Variants in GNAQ observed in about 807,000 individuals in gnomAD.
The protein encoded by GNAQ is guanine nucleotide-binding protein G(q) subunit alpha.
A neutral mutation model predicts 43.9 loss-of-function variants in GNAQ; 8 were observed. The observed-to-expected ratio is 0.18, with a 90% CI of 0.11 to 0.33. GNAQ has a LOEUF of 0.33. GNAQ is among the 10% of genes least tolerant of loss of function. GNAQ has a pLI of 1.00. For missense variants in GNAQ, 158 were observed against 450.8 expected, an observed-to-expected ratio of 0.35 and a Z score of 5.88; for synonymous variants, 155 against 170.7, an observed-to-expected ratio of 0.91 and a Z score of 0.71.
At position 78,030,447 on chromosome 9, in the gene GNAQ, T is replaced by G. The variant is rs771628710; in HGVS notation, c.136+653A>C. 1.2e-3 allele frequency: 575 copies of G among 461,294 alleles called. 2 individuals carry two copies. Among genetic ancestry groups the G allele is most frequent in the Non-Finnish European group, 5.7e-4 (126 of 221,676 alleles). The allele number at this position is 461,294 out of a possible 1,614,324, so 28.6% of individuals were successfully genotyped here. On this transcript the variant is annotated intron_variant, in intron 1 of 6. Coordinates refer to ENST00000286548, the MANE Select transcript of GNAQ (RefSeq NM_002072.5). The stretch of plus-strand genomic sequence containing the variant: ...CAGCACTTGTGTGACACATTTGGGC[T>G]TGCCCTCCCGCCTCGCCCCCAGTAC...
In GNAQ at chr9:77,904,317, C is replaced by CTTTT. The variant is rs554783626; in HGVS notation, c.321+17840_321+17843dup. On this transcript the variant is annotated intron_variant, in intron 2 of 6. Transcript: ENST00000286548. The stretch of plus-strand genomic sequence containing the variant: ...TGGAGTTAACAGAAGTTCACACCGG[C>CTTTT]TTTTTTTTTTTTTTTTTTTTTTTTT... Among the ~76,000 whole-genome samples, 172 of 77,428 alleles carry CTTTT rather than the reference C, an allele frequency of 2.2e-3. 19 individuals carry two copies. The highest frequency in any genetic ancestry group is 5.8e-3 in the East Asian group (10 of 1,734). The allele number at this position is 77,428 out of a possible 152,430, so 50.8% of individuals were successfully genotyped here.
chr9:77,747,628 C>G (rs974401515), intron 5 of GNAQ, among the ~76,000 whole-genome samples: 2 of 152,122 alleles, frequency 1.3e-5, no homozygotes, highest in Non-Finnish European at 2.9e-5. Flanking sequence ...TGGGATGATG[C>G]ATGGAATGAA....
intron 2 of GNAQ, among the ~76,000 whole-genome samples, chr9:77,878,385 C>T (rs1235559615): frequency 6.6e-6 from 1 of 152,090 alleles, no homozygotes; most frequent in Non-Finnish European, 1.5e-5. Flanking sequence ...CATGACACCT[C>T]TGTGCCTTAC....
At chr9:77,786,327 G>A (rs1260352766) in intron 5 of GNAQ, among the ~76,000 whole-genome samples, 1 of 147,746 alleles carries the variant, frequency 6.8e-6, no homozygotes, top group Admixed American at 6.8e-5. Context: ...GCAGCGAGCC[G>A]AGATGGTGAC....
intron 5 of GNAQ, among the ~76,000 whole-genome samples, chr9:77,778,815 C>T (rs1240587236): frequency 6.6e-6 from 1 of 151,924 alleles, no homozygotes; most frequent in Admixed American, 6.6e-5. Context: ...AAGCAGGCTT[C>T]AAAGTAAGGA....
chr9:77,992,184 G>A (rs538108360), intron 1 of GNAQ, among the ~76,000 whole-genome samples: 4 of 152,236 alleles, frequency 2.6e-5, no homozygotes, highest in South Asian at 2.1e-4. Flanking sequence ...CCTTCCCACC[G>A]GCAGTGTTTA....
chr9:77,996,256 T>C (rs1031472850), intron 1 of GNAQ, among the ~76,000 whole-genome samples: 1 of 152,230 alleles, frequency 6.6e-6, no homozygotes, highest in Non-Finnish European at 1.5e-5. Context: ...AGAGCTTTAT[T>C]TAATTTCATC....
intron 1 of GNAQ, among the ~76,000 whole-genome samples, chr9:78,025,333 T>C (rs1055834084): frequency 1.3e-5 from 2 of 152,144 alleles, no homozygotes; most frequent in Non-Finnish European, 2.9e-5. Flanking sequence ...CACAAAATAG[T>C]GTTTGGGTCT....
At chr9:77,965,658 T>G (rs775669387) in intron 1 of GNAQ, among the ~76,000 whole-genome samples, 2 of 152,118 alleles carry the variant, frequency 1.3e-5, no homozygotes, top group Non-Finnish European at 2.9e-5. Flanking sequence ...TCACACCCAT[T>G]TAAAATGGCA....
chr9:77,952,206 T>C (rs985431917), intron 1 of GNAQ, among the ~76,000 whole-genome samples: 2 of 152,216 alleles, frequency 1.3e-5, no homozygotes, highest in African/African-American at 2.4e-5. Context: ...AAGCAGGAAA[T>C]ATACTCAGTT....
intron 3 of GNAQ, among the ~76,000 whole-genome samples, chr9:77,805,866 GAACT>G (rs1826822045): frequency 6.6e-6 from 1 of 152,098 alleles, no homozygotes; most frequent in Non-Finnish European, 1.5e-5. Flanking sequence ...CTCTACCAAA[GAACT>G]AACCCAATCT....
chr9:77,732,621 C>T (rs1449691244), intron 5 of GNAQ, among the ~76,000 whole-genome samples: 2 of 152,184 alleles, frequency 1.3e-5, no homozygotes, highest in Admixed American at 6.5e-5. Flanking sequence ...CTGCCTTGGC[C>T]TCCCAAAGTG....
intron 2 of GNAQ, among the ~76,000 whole-genome samples, chr9:77,911,261 G>A (rs973108986): frequency 1.3e-5 from 2 of 152,174 alleles, no homozygotes. Flanking sequence ...CACTGCATGT[G>A]TACAATTTAG....
intron 5 of GNAQ, among the ~76,000 whole-genome samples, chr9:77,786,151 G>A: frequency 6.6e-6 from 1 of 152,188 alleles, no homozygotes; most frequent in South Asian, 2.1e-4. Flanking sequence ...GCTGAGGCGG[G>A]CAGATCGCGA....
intron 2 of GNAQ, among the ~76,000 whole-genome samples, chr9:77,862,067 T>C (rs1232235350): frequency 6.6e-6 from 1 of 151,548 alleles, no homozygotes; most frequent in Non-Finnish European, 1.5e-5. Flanking sequence ...AGTTCTGCCG[T>C]TCTGCCCCTG....
intron 1 of GNAQ, among the ~76,000 whole-genome samples, chr9:77,935,145 C>G (rs1829212081): frequency 1.3e-5 from 2 of 151,940 alleles, no homozygotes; most frequent in South Asian, 4.2e-4. Context: ...GAAAATTATA[C>G]CCAAAGAAAT....
intron 3 of GNAQ, among the ~76,000 whole-genome samples, chr9:77,799,383 A>G (rs1434526216): frequency 6.6e-6 from 1 of 152,150 alleles, no homozygotes; most frequent in African/African-American, 2.4e-5. Context: ...ACAAATACTC[A>G]GTGGACATGA....
chr9:78,011,062 A>G (rs1292020453), intron 1 of GNAQ, among the ~76,000 whole-genome samples: 2 of 152,182 alleles, frequency 1.3e-5, no homozygotes, highest in Non-Finnish European at 2.9e-5. Context: ...GACCCTATAG[A>G]TGCACAGCAA....
At chr9:77,868,352 T>C (rs1049843947) in intron 2 of GNAQ, among the ~76,000 whole-genome samples, 1 of 152,194 alleles carries the variant, frequency 6.6e-6, no homozygotes, top group Non-Finnish European at 1.5e-5. Flanking sequence ...AGACCAAACA[T>C]TATGAATCAT....
Sources: allele counts gnomAD v4.1 joint callset (sites outside exome capture counted in the v4.1 genomes callset), GRCh38; gene constraint gnomAD v4.1.1; transcripts MANE v1.5; gene names NCBI Gene and HGNC (gene_info 2026-07-23, HGNC 2026-07-21).